The following MDM2 variants were observed in gnomAD, a reference collection of about 807,000 sequenced individuals.
MDM2 encodes E3 ubiquitin-protein ligase Mdm2.
MDM2 carries 11 observed loss-of-function variants against 64.3 expected under a neutral mutation model. That is an observed-to-expected ratio of 0.17 (90% confidence interval 0.11 to 0.28). The LOEUF is 0.28. Among genes scored for constraint, MDM2 ranks in the 10% least tolerant of loss-of-function variants. The pLI, the probability that MDM2 is intolerant of heterozygous loss-of-function variation, is 1.00. For missense variants in MDM2, 388 were observed against 577.1 expected, an observed-to-expected ratio of 0.67 and a Z score of 3.36; for synonymous variants, 194 against 192.9, an observed-to-expected ratio of 1.01 and a Z score of -0.05.
intron 3 of MDM2, among the ~76,000 whole-genome samples, chr12:68,816,315 A>G (rs979418620): frequency 2.0e-5 from 3 of 148,944 alleles, no homozygotes; most frequent in Middle Eastern, 3.5e-3. Flanking sequence ...ATAGAGAAGC[A>G]GTTATTTCTG....
At chr12:68,837,102 C>T (rs1183764637) in intron 10 of MDM2, among the ~76,000 whole-genome samples, 1 of 150,862 alleles carries the variant, frequency 6.6e-6, no homozygotes, top group Non-Finnish European at 1.5e-5. Context: ...TACAGGCATG[C>T]ACCACTATAC....
chr12:68,828,506 A>G, intron 7 of MDM2: 1 of 321,794 alleles, frequency 3.1e-6, no homozygotes, highest in Non-Finnish European at 6.0e-6. Context: ...CCCATGAGGC[A>G]GAGGTTGCAG....
Position 68,845,306 on chromosome 12 carries a change from T to C in MDM2, c.*5457T>C. 4.7e-6 allele frequency: 1 copy of C among 213,668 alleles called. No homozygotes were observed. The highest frequency in any genetic ancestry group is 5.8e-5 in the Admixed American group (1 of 17,150). 13.2% of individuals were successfully genotyped at this position (213,668 alleles called of 1,614,324 possible). A position where few individuals can be genotyped will look rare whatever the true frequency, so the allele number is the denominator to read the frequency against. The stretch of plus-strand genomic sequence containing the variant: ...TTTCAATTATATGTAAGAGGGACTT[T>C]TTGACATTTACAAATAATACTTTGA... On this transcript the variant is annotated 3_prime_UTR_variant, in exon 11 of 11. Coordinates refer to ENST00000258149, the MANE Select transcript of MDM2 (RefSeq NM_002392.6).
Position 68,842,197 on chromosome 12 carries a change from T to A in MDM2, c.*2348T>A. 1 of 500,348 alleles carries A rather than the reference T, an allele frequency of 2.0e-6. No individual in the cohort carries two copies. The highest frequency in any genetic ancestry group is 2.3e-5 in the Admixed American group (1 of 43,572). The allele number at this position is 500,348 out of a possible 1,614,324, so 31.0% of individuals were successfully genotyped here. On this transcript the variant is annotated 3_prime_UTR_variant, in exon 11 of 11. Transcript: ENST00000258149. ...AAAACTACTGATGCAGTGAAGACAG[T>A]TGAAAAGATCAAACAAATGCCAAGC...
intron 8 of MDM2, among the ~76,000 whole-genome samples, chr12:68,834,450 A>G (rs1690921): frequency 0.018 from 2,775 of 150,840 alleles, 38 homozygotes; most frequent in African/African-American, 0.029. Flanking sequence ...CTCAAAAAAA[A>G]AAAGGGCCGG....
rs896830893 is a variant in MDM2 at position 68,843,951 on chromosome 12, G to A, written c.*4102G>A. 4.8e-6 allele frequency: 1 copy of A among 209,796 alleles called. No individual in the cohort carries two copies. The highest frequency in any genetic ancestry group is 9.7e-6 in the Non-Finnish European group (1 of 103,576). 13.0% of individuals were successfully genotyped at this position (209,796 alleles called of 1,614,324 possible). A position where few individuals can be genotyped will look rare whatever the true frequency, so the allele number is the denominator to read the frequency against. On this transcript the variant is annotated 3_prime_UTR_variant, in exon 11 of 11. Transcript: ENST00000258149. ...CTTTGGAGGTCCTCAAAGCATTATT[G>A]GAGTTCATAATACTGAAGCTAGAAC...
At chr12:68,812,197 TAAAA>T (rs56187630) in intron 2 of MDM2, among the ~76,000 whole-genome samples, 2 of 149,038 alleles carry the variant, frequency 1.3e-5, no homozygotes, top group South Asian at 2.1e-4. Flanking sequence ...TAAGCACAGT[TAAAA>T]AAAAAAAAAG....
intron 5 of MDM2, chr12:68,824,062 C>G (rs3730567): frequency 0.01 from 3,161 of 303,170 alleles, 92 homozygotes; most frequent in African/African-American, 0.062. Context: ...TTTCCTGATT[C>G]TTTGTTTCTC....
At chr12:68,850,514 A>G (rs992325356), downstream of MDM2, 4 of 152,208 alleles carry the variant, frequency 2.6e-5, no homozygotes, top group Admixed American at 2.6e-4. Flanking sequence ...AGCGTGTTTC[A>G]AAGAGCAGAT....
chr12:68,832,417 A>G lies in MDM2; in HGVS notation c.685-3412A>G, dbSNP rs1448837399. Among the ~76,000 whole-genome samples, 4 of 152,192 alleles carry G rather than the reference A, an allele frequency of 2.6e-5. No individual in the cohort carries two copies. The East Asian group carries it at 7.7e-4, about 29-fold the overall frequency. ...TAACTTGTTTAAGGTTCCTACAACT[A>G]ATTGTCACAATTGGAATTCAAACAA... is the stretch of plus-strand genomic sequence containing the variant. On this transcript the variant is annotated intron_variant, in intron 8 of 10. Coordinates refer to ENST00000258149, the MANE Select transcript of MDM2 (RefSeq NM_002392.6).
chr12:68,828,979 T>TAGTAA (rs776853230), intron 8 of MDM2, 48 bp downstream of exon 8: 20 of 1,574,610 alleles, frequency 1.3e-5, no homozygotes, highest in Admixed American at 5.2e-5. Flanking sequence ...GTTCAAAGTC[T>TAGTAA]AGTCCTGGCA....
At position 68,808,223 on chromosome 12, in the gene MDM2, T is replaced by C. The variant is rs976998794; in HGVS notation, c.-255T>C. The C allele has an allele frequency of 1.3e-5, 7 of 543,182 alleles. No individual in the cohort carries two copies. The highest frequency in any genetic ancestry group is 1.1e-4 in the South Asian group (5 of 44,106). 33.6% of individuals were successfully genotyped at this position (543,182 alleles called of 1,614,324 possible). On this transcript the variant is annotated 5_prime_UTR_variant, in exon 1 of 11. Transcript: ENST00000258149. ...GGCGAGCTTGGCTGCTTCTGGGGCCTGTGTGGCCCTGTGTGTCGGAAAGAT... is the reference window on the plus strand; with the variant it reads ...GGCGAGCTTGGCTGCTTCTGGGGCCCGTGTGGCCCTGTGTGTCGGAAAGAT...
At chr12:68,814,858 TTTA>T (rs1354822029) in intron 3 of MDM2, among the ~76,000 whole-genome samples, 4 of 152,210 alleles carry the variant, frequency 2.6e-5, no homozygotes, top group African/African-American at 9.6e-5. Context: ...TCCCACTTAG[TTTA>T]TGGGACTCAG....
At chr12:68,808,512 G>A (rs762870651) in intron 1 of MDM2, 21 bp downstream of exon 1, 31 of 1,614,042 alleles carry the variant, frequency 1.9e-5, no homozygotes, top group Non-Finnish European at 2.5e-5. Context: ...GGCAGCGAGC[G>A]GTCACTTTTG....
Position 68,813,586 on chromosome 12 carries a change from A to G in MDM2, c.132A>G (p.Leu44=), listed in dbSNP as rs1881100467. The change falls in exon 3 of 11, where the codon TTA becomes TTG. Residue 44 remains leucine (L), a synonymous_variant. Transcript: ENST00000258149. ...VRPKPLLLKL[L]KSVGAQKDTY... is the part of the protein sequence containing the mutation. Reference sequence around the variant, plus strand: ...CAAAGCCATTGCTTTTGAAGTTATTAAAGTCTGTTGGTGCACAAAAAGACA... The same window carrying G: ...CAAAGCCATTGCTTTTGAAGTTATTGAAGTCTGTTGGTGCACAAAAAGACA... 2.5e-6 allele frequency: 4 copies of G among 1,613,674 alleles called. No homozygotes were observed. The highest frequency in any genetic ancestry group is 2.2e-5 in the South Asian group (2 of 91,036).
rs1211616 is a variant in MDM2 at position 68,821,114 on chromosome 12, T to G, written c.358+740T>G. Among the ~76,000 whole-genome samples, 1,380 of 148,236 alleles carry G rather than the reference T, an allele frequency of 9.3e-3. 13 individuals carry two copies. The highest frequency in any genetic ancestry group is 0.024 in the South Asian group (110 of 4,636). On this transcript the variant is annotated intron_variant, in intron 5 of 10. Transcript: ENST00000258149. ...TCAGGCTGGAGTGTAGTGGCATGAT[T>G]TCGACTCACTGCAACCTCCGCCTCC...
the MDM2 span, chr12:68,850,554 A>G: frequency 6.6e-6 from 1 of 152,154 alleles, no homozygotes; most frequent in African/African-American, 2.4e-5. Context: ...CTGTCCTATG[A>G]CTAAGTCGAT....
chr12:68,830,617 C>A (rs1690920), intron 8 of MDM2, among the ~76,000 whole-genome samples: 80,806 of 151,966 alleles, frequency 0.53, 23,061 homozygotes, highest in African/African-American at 0.74. Context: ...GGCTCTTGAG[C>A]GGAAATATAT....
intron 4 of MDM2, 190 bp downstream of exon 4, chr12:68,817,135 A>G: frequency 3.7e-6 from 2 of 539,618 alleles, no homozygotes; most frequent in Non-Finnish European, 6.2e-6. Flanking sequence ...CAGTGTTTGA[A>G]ACCTAGCCCA....
Sources: gnomAD v4.1 joint callset for allele counts (sites outside exome capture counted in the v4.1 genomes callset) on GRCh38, gnomAD v4.1.1 for gene constraint, MANE v1.5 for transcripts, NCBI Gene and HGNC (gene_info 2026-07-23, HGNC 2026-07-21) for gene names.